CLPTM1: variants seen among roughly 807,000 people sequenced by gnomAD.
The protein encoded by CLPTM1 is putative lipid scramblase CLPTM1.
Under a neutral mutation model 77.3 loss-of-function variants are expected in CLPTM1, and 21 were observed. That is an observed-to-expected ratio of 0.27 (90% CI 0.19 to 0.39). The LOEUF is 0.39. Among genes scored for constraint, CLPTM1 ranks in the 10% least tolerant of loss-of-function variants. The pLI, the probability that CLPTM1 is intolerant of heterozygous loss-of-function variation, is 1.00. For synonymous variants in CLPTM1, 373 were observed against 381.0 expected (o/e 0.98, Z 0.24); for missense variants, 642 against 921.2 (o/e 0.70, Z 3.92).
rs35539206 is a variant in CLPTM1, at chr19:44,964,298, C to CTTTTTTTTTTTTTTTTTTTTTTTTTTTT, written c.185+2226_185+2253dup. Among the ~76,000 whole-genome samples, 7 of 68,152 alleles carry CTTTTTTTTTTTTTTTTTTTTTTTTTTTT rather than the reference C, an allele frequency of 1.0e-4. 2 individuals carry two copies. The highest frequency in any genetic ancestry group is 1.9e-4 in the Non-Finnish European group (7 of 37,716). 44.7% of individuals were successfully genotyped at this position (68,152 alleles called of 152,430 possible). On this transcript the variant is annotated intron_variant, in intron 2 of 13. Coordinates refer to ENST00000337392, the MANE Select transcript of CLPTM1 (RefSeq NM_001294.4). The stretch of plus-strand genomic sequence containing the variant: ...TTTTAACCTATGTTTTCATTTTAAC[C>CTTTTTTTTTTTTTTTTTTTTTTTTTTTT]TTTTTTTTTTTTTTTTTTTTTTTTT...
intron 1 of CLPTM1, among the ~76,000 whole-genome samples, chr19:44,956,273 A>G (rs1568638513): frequency 6.6e-6 from 1 of 151,690 alleles, no homozygotes; most frequent in Non-Finnish European, 1.5e-5. Context: ...AATGAAGCTG[A>G]CTCTCTGTGT....
rs1971085440 is a variant in CLPTM1 at position 44,992,130 on chromosome 19, C to T, written c.1556-103C>T. 8 of 1,238,974 alleles carry T rather than the reference C, an allele frequency of 6.5e-6. No individual in the cohort carries two copies. The allele number at this position is 1,238,974 out of a possible 1,614,324, so 76.7% of individuals were successfully genotyped here. ...CAGGTATAGGAAGTGGTAGAGTGTG[C>T]CCAGGTGTAGGAAGTGGTGAGGGGG... On this transcript the variant is annotated intron_variant, in intron 12 of 13. Transcript: ENST00000337392. This position sits in a 1 kb window ranked among gnomAD's most constrained non-coding sequence, Gnocchi z 7.7.
At chr19:44,968,835 G>A (rs756141775) in intron 2 of CLPTM1, among the ~76,000 whole-genome samples, 1 of 152,172 alleles carries the variant, frequency 6.6e-6, no homozygotes, top group African/African-American at 2.4e-5. Flanking sequence ...TGGAGGCATC[G>A]GTATCCCCAG....
chr19:44,983,641 A>G lies in CLPTM1; in HGVS notation c.587-1577A>G, dbSNP rs547504597. On this transcript the variant is annotated intron_variant, in intron 5 of 13. Transcript: ENST00000337392. ...TCAAAAAAAAAAAAAAAAAAAAAAA[A>G]AAAAGAAAAGAAAAAAGAAAAATAC... Among the ~76,000 whole-genome samples, 557 of 147,852 alleles carry G rather than the reference A, an allele frequency of 3.8e-3. 3 individuals carry two copies. The highest frequency in any genetic ancestry group is 0.012 in the African/African-American group (466 of 39,456).
In CLPTM1 at chr19:44,979,550, A is replaced by G. The variant is rs532418510; in HGVS notation, c.586+2090A>G. ...ATTCTATTTGTATGAGTTAGGTCTT[A>G]CCTACTTCTTTTAGTACAAAAATAT... On this transcript the variant is annotated intron_variant, in intron 5 of 13. Coordinates refer to ENST00000337392, the MANE Select transcript of CLPTM1 (RefSeq NM_001294.4). Among the ~76,000 whole-genome samples, 4 of 152,244 alleles carry G rather than the reference A, an allele frequency of 2.6e-5. No individual in the cohort carries two copies. In the East Asian group the frequency reaches 7.7e-4, roughly 29 times the overall value.
At chr19:44,955,098 G>A (rs770011678), upstream of CLPTM1, 8 of 1,535,740 alleles carry the variant, frequency 5.2e-6, no homozygotes, top group South Asian at 1.2e-5. Flanking sequence ...GGGTTAATGT[G>A]AAGGGACGGA....
chr19:44,976,853 T>C (rs1308229492), intron 4 of CLPTM1, among the ~76,000 whole-genome samples: 1 of 152,190 alleles, frequency 6.6e-6, no homozygotes, highest in African/African-American at 2.4e-5. Context: ...AATGGGGTGG[T>C]AACATGACCC....
intron 9 of CLPTM1, among the ~76,000 whole-genome samples, chr19:44,989,617 G>A (rs1415514921): frequency 2.0e-5 from 3 of 152,114 alleles, no homozygotes; most frequent in African/African-American, 7.2e-5. Flanking sequence ...GGTGCACATG[G>A]ACCAGAATTC....
In CLPTM1 at chr19:44,973,825, A is replaced by G. The variant is rs1970762949; in HGVS notation, c.310-614A>G. The stretch of plus-strand genomic sequence containing the variant: ...GTCGCCCAGGCTAGAGTGCAGTGGC[A>G]TAATCTTAGCTCACTGCAACCTCTG... On this transcript the variant is annotated intron_variant, in intron 3 of 13. Transcript: ENST00000337392. Among the ~76,000 whole-genome samples the G allele has an allele frequency of 2.8e-5, 4 of 141,136 alleles. No homozygotes were observed. In the South Asian group the frequency reaches 9.0e-4, roughly 32 times the overall value. 92.6% of individuals were successfully genotyped at this position (141,136 alleles called of 152,430 possible). A position where few individuals can be genotyped will look rare whatever the true frequency, so the allele number is the denominator to read the frequency against.
intron 2 of CLPTM1, among the ~76,000 whole-genome samples, chr19:44,970,987 C>T (rs1970709130): frequency 6.8e-6 from 1 of 147,272 alleles, no homozygotes; most frequent in African/African-American, 2.6e-5. Context: ...TGCACCACCA[C>T]TCCTGGCTAA....
intron 2 of CLPTM1, among the ~76,000 whole-genome samples, chr19:44,970,400 AT>A (rs34309230): frequency 0.41 from 48,622 of 119,778 alleles, 10,997 homozygotes; most frequent in Middle Eastern, 0.53. Context: ...CTGGGCTAGC[AT>A]TTTTTTTTTT....
chr19:44,987,792 TG>T, intron 8 of CLPTM1: 1 of 562,230 alleles, frequency 1.8e-6, no homozygotes, highest in Non-Finnish European at 3.2e-6. Context: ...CCTCCTGGGC[TG>T]TCGTCACTGT....
In CLPTM1 at chr19:44,991,388, C is replaced by T. The variant is rs145428065; in HGVS notation, c.1555+15C>T. The T allele has an allele frequency of 2.1e-3, 3,432 of 1,608,644 alleles. 7 individuals are homozygous for T. Among genetic ancestry groups the T allele is most frequent in the Non-Finnish European group, 2.7e-3 (3,226 of 1,179,686 alleles). ...GCTGACCTTCGGTGAGCGGTCCGGC[C>T]GCCCCAGGAGAGAGCAGGCCCCATG... On this transcript the variant is annotated intron_variant, in intron 12 of 13. Coordinates refer to ENST00000337392, the MANE Select transcript of CLPTM1 (RefSeq NM_001294.4). The surrounding 1 kb of genome is among the most constrained non-coding windows in gnomAD (Gnocchi z 5.4).
chr19:44,986,386 T>C (rs1970978064), intron 6 of CLPTM1, 69 bp from the exon 7 acceptor site: 2 of 1,552,276 alleles, frequency 1.3e-6, no homozygotes. Context: ...GGGGAGGAAG[T>C]GTACAGAGAG....
At chr19:44,954,836 A>G (rs1055875151), upstream of CLPTM1, 7 of 1,199,986 alleles carry the variant, frequency 5.8e-6, no homozygotes, top group East Asian at 1.5e-4. Flanking sequence ...CACAGAAAGG[A>G]TATGAGCTCA....
At chr19:44,985,366 GACCA>G in intron 6 of CLPTM1, 63 bp downstream of exon 6, 9 of 1,140,632 alleles carry the variant, frequency 7.9e-6, no homozygotes, top group African/African-American at 1.5e-5. Context: ...GCTCATCCCA[GACCA>G]CTGGGGCTGT....
chr19:44,977,194 A>T (rs1568385926), intron 4 of CLPTM1, 149 bp from the exon 5 acceptor site: 1 of 667,684 alleles, frequency 1.5e-6, no homozygotes, highest in Non-Finnish European at 2.7e-6. Context: ...CCTCTCTGCC[A>T]CCCAGCTACA....
chr19:44,956,172 G>T (rs1485009330), intron 1 of CLPTM1, among the ~76,000 whole-genome samples: 2 of 152,192 alleles, frequency 1.3e-5, no homozygotes, highest in African/African-American at 4.8e-5. Context: ...AATAGATGGA[G>T]AGACATGAAG....
At chr19:44,965,891 C>T (rs1450241244) in intron 2 of CLPTM1, among the ~76,000 whole-genome samples, 1 of 152,174 alleles carries the variant, frequency 6.6e-6, no homozygotes, top group Non-Finnish European at 1.5e-5. Context: ...GCCAGCTGCA[C>T]GGGAGGCTGG....
Sources: allele counts gnomAD v4.1 joint callset (sites outside exome capture counted in the v4.1 genomes callset), GRCh38; gene constraint gnomAD v4.1.1; non-coding constraint Gnocchi (gnomAD v3.1); transcripts MANE v1.5; gene names NCBI Gene and HGNC (gene_info 2026-07-23, HGNC 2026-07-21).